The following DGKG variants were observed in gnomAD, a reference collection of about 807,000 sequenced individuals.
The protein encoded by DGKG is diacylglycerol kinase gamma, also known as DAG kinase gamma.
Under a neutral mutation model 105.3 loss-of-function variants are expected in DGKG, and 78 were observed. The observed-to-expected ratio is 0.74, with a 90% confidence interval of 0.62 to 0.89. The LOEUF (loss-of-function observed/expected upper bound fraction) is 0.89, where lower values mean the gene tolerates loss of function less well. Among genes scored for constraint, DGKG ranks in the 40% least tolerant of loss-of-function variants. DGKG has a pLI of 0.00. For synonymous variants in DGKG, 346 were observed against 367.1 expected, an observed-to-expected ratio of 0.94 and a Z score of 0.66; for missense variants, 958 against 1,020.1, an observed-to-expected ratio of 0.94 and a Z score of 0.83.
chr3:186,309,938 T>C (rs2108628786), intron 2 of DGKG, among the ~76,000 whole-genome samples: 1 of 151,866 alleles, frequency 6.6e-6, no homozygotes, highest in South Asian at 2.1e-4. Flanking sequence ...AGACATTTAT[T>C]TTAAAATATC....
intron 2 of DGKG, among the ~76,000 whole-genome samples, chr3:186,311,503 G>T (rs1414727803): frequency 6.6e-6 from 1 of 152,146 alleles, no homozygotes; most frequent in Non-Finnish European, 1.5e-5. Context: ...CCTAAATCGG[G>T]TGTTCAGAAA....
At chr3:186,223,011 C>CTATATATATATATATATATA (rs55753193) in intron 20 of DGKG, among the ~76,000 whole-genome samples, 1,108 of 80,246 alleles carry the variant, frequency 0.014, 51 homozygotes, top group African/African-American at 0.017. Flanking sequence ...TGTATGTATA[C>CTATATATATATATATATATA]TATATATATA....
At chr3:186,176,619 T>C (rs771653750) in intron 22 of DGKG, among the ~76,000 whole-genome samples, 24 of 152,128 alleles carry the variant, frequency 1.6e-4, no homozygotes, top group Non-Finnish European at 3.2e-4. Context: ...TGGGCTCTAG[T>C]CCCAGATCCA....
intron 10 of DGKG, among the ~76,000 whole-genome samples, chr3:186,274,456 T>C (rs1294512322): frequency 1.3e-5 from 2 of 152,118 alleles, no homozygotes; most frequent in Non-Finnish European, 2.9e-5. Context: ...GTTACATGTG[T>C]ATACATATGC....
chr3:186,148,600 A>C lies in DGKG; in HGVS notation c.*1490T>G. 1.0e-6 allele frequency: 1 copy of C among 985,388 alleles called. No individual in the cohort carries two copies. The allele number at this position is 985,388 out of a possible 1,614,324, so 61.0% of individuals were successfully genotyped here. Reference sequence around the variant, plus strand: ...CTGAGATGTGTGGGTTCTTTTCTCCATTAAATATCTTTGTAACGGCACCTA... The same window carrying C: ...CTGAGATGTGTGGGTTCTTTTCTCCCTTAAATATCTTTGTAACGGCACCTA... On this transcript the variant is annotated 3_prime_UTR_variant, in exon 25 of 25. Coordinates refer to ENST00000265022, the MANE Select transcript of DGKG (RefSeq NM_001346.3).
intron 2 of DGKG, among the ~76,000 whole-genome samples, chr3:186,309,903 G>A (rs1004692608): frequency 6.6e-6 from 1 of 151,694 alleles, no homozygotes; most frequent in African/African-American, 2.4e-5. Flanking sequence ...AATAAACTGA[G>A]GTTTTAATAA....
intron 20 of DGKG, 36 bp downstream of exon 20, chr3:186,242,468 T>C (rs1166579481): frequency 1.3e-6 from 2 of 1,576,840 alleles, no homozygotes; most frequent in East Asian, 4.5e-5. Context: ...AGGGCCACAC[T>C]GGGTGGGTGG....
In DGKG at chr3:186,288,835, G is replaced by C. The variant is rs1723188826; in HGVS notation, c.419C>G (p.Ala140Gly). Residue 140 changes from alanine (A) to glycine (G), a missense_variant, in exon 6 of 25, where the codon GCT (alanine) becomes GGT (glycine). By Grantham distance (60) the Ala-to-Gly change is moderately conservative (BLOSUM62 0). Transcript: ENST00000265022. ...GACGGGGGGTTCCAGGGGGGTCGCA[G>C]CCACTTGGTCTTCAGCTGGTGCTTG... is the stretch of plus-strand genomic sequence containing the variant. Reference protein sequence around the residue: ...EKQAPAEDQVAATPLEPPVPR... With the variant: ...EKQAPAEDQVGATPLEPPVPR... 1 of 1,606,442 alleles carries C rather than the reference G, an allele frequency of 6.2e-7. No individual in the cohort carries two copies. Among genetic ancestry groups the C allele is most frequent in the South Asian group, 1.1e-5 (1 of 89,888 alleles).
In DGKG at chr3:186,188,266, CCGGTT is replaced by C; in HGVS notation, c.2026_2030del (p.Asn676GlyfsTer12). The C allele has an allele frequency of 6.2e-7, 1 of 1,614,140 alleles. No homozygotes were observed. The highest frequency in any genetic ancestry group is 1.3e-5 in the African/African-American group (1 of 75,010). ...CCTTCCTGCTTTCCCGGATCACAGC[CCGGTT>C]CTTCTTGTTTTCTCCCCAGAGATTG... On this transcript the variant is annotated frameshift_variant, in exon 22 of 25. Coordinates refer to ENST00000265022, the MANE Select transcript of DGKG (RefSeq NM_001346.3). LOFTEE classifies it high-confidence loss of function.
chr3:186,327,792 G>T (rs921892297), intron 1 of DGKG, among the ~76,000 whole-genome samples: 2 of 151,968 alleles, frequency 1.3e-5, no homozygotes, highest in Admixed American at 6.6e-5. Flanking sequence ...TACATCCTAT[G>T]AATCACACCA....
At chr3:186,332,505 G>A (rs1725649675) in intron 1 of DGKG, among the ~76,000 whole-genome samples, 1 of 152,138 alleles carries the variant, frequency 6.6e-6, no homozygotes, top group Admixed American at 6.5e-5. Context: ...ACCTGGGGAA[G>A]CGTCTGCCCT....
chr3:186,222,549 A>G, intron 20 of DGKG, among the ~76,000 whole-genome samples: 1 of 152,238 alleles, frequency 6.6e-6, no homozygotes, highest in African/African-American at 2.4e-5. Flanking sequence ...TTAATTAAGA[A>G]TACACACACA....
intron 1 of DGKG, among the ~76,000 whole-genome samples, chr3:186,333,434 G>A (rs1725691365): frequency 6.6e-6 from 1 of 152,128 alleles, no homozygotes; most frequent in African/African-American, 2.4e-5. Flanking sequence ...CTTTCCTGAG[G>A]CAGTAAAACA....
At chr3:186,194,275 C>G (rs1376867081) in intron 21 of DGKG, among the ~76,000 whole-genome samples, 1 of 152,244 alleles carries the variant, frequency 6.6e-6, no homozygotes. Context: ...TCTGCACCCC[C>G]GCCCTTGATG....
intron 18 of DGKG, 84 bp from the exon 19 acceptor site, chr3:186,252,003 G>A: frequency 1.5e-6 from 2 of 1,365,912 alleles, no homozygotes; most frequent in Non-Finnish European, 2.0e-6. Context: ...GGGCAGGTAA[G>A]CCCAGGGCAT....
At chr3:186,326,757 T>C (rs1324548157) in intron 1 of DGKG, among the ~76,000 whole-genome samples, 2 of 152,226 alleles carry the variant, frequency 1.3e-5, no homozygotes, top group Non-Finnish European at 2.9e-5. Flanking sequence ...TTACGTAGGT[T>C]AGTTCTTTCT....
intron 12 of DGKG, 28 bp from the exon 13 acceptor site, chr3:186,267,805 A>G: frequency 1.3e-6 from 2 of 1,598,578 alleles, no homozygotes; most frequent in Non-Finnish European, 1.7e-6. Flanking sequence ...AAAGAGAGTG[A>G]GTGAAAGTGA....
chr3:186,173,147 T>G (rs1716904668), intron 22 of DGKG, among the ~76,000 whole-genome samples: 1 of 152,142 alleles, frequency 6.6e-6, no homozygotes, highest in South Asian at 2.1e-4. Flanking sequence ...CCAAATAACC[T>G]CATTTTAACT....
At chr3:186,165,040 G>A in intron 22 of DGKG, 22 bp from the exon 23 acceptor site, 7 of 1,607,108 alleles carry the variant, frequency 4.4e-6, no homozygotes, top group South Asian at 1.1e-5. Flanking sequence ...GACAGCAAAA[G>A]TAGTGCATAC....
Sources: gnomAD v4.1 joint callset for allele counts (sites outside exome capture counted in the v4.1 genomes callset) on GRCh38, gnomAD v4.1.1 for gene constraint, MANE v1.5 for transcripts, NCBI Gene and HGNC (gene_info 2026-07-23, HGNC 2026-07-21) for gene names.